Variants in BLVRA observed in about 807,000 individuals in gnomAD.
BLVRA encodes the protein BVR A.
BLVRA carries 22 observed loss-of-function variants against 32.8 expected under a neutral mutation model. That is an observed-to-expected ratio of 0.67 (90% CI 0.48 to 0.96). The LOEUF is 0.96. Ranked by LOEUF, BLVRA falls within the 40% of genes least tolerant of loss-of-function variation. The pLI is 0.00. For missense variants in BLVRA, 323 were observed against 358.1 expected (o/e 0.90, Z 0.79); for synonymous variants, 119 against 141.3 (o/e 0.84, Z 1.12).
At chr7:43,793,802 T>G (rs2095788783) in intron 5 of BLVRA, among the ~76,000 whole-genome samples, 1 of 151,976 alleles carries the variant, frequency 6.6e-6, no homozygotes, top group Admixed American at 6.5e-5. Context: ...TTTTGTATTT[T>G]TAGTAGAGAT....
At chr7:43,783,801 A>G (rs1448178640) in intron 2 of BLVRA, among the ~76,000 whole-genome samples, 1 of 152,134 alleles carries the variant, frequency 6.6e-6, no homozygotes, top group Non-Finnish European at 1.5e-5. Flanking sequence ...TGTGTTATCA[A>G]ACTTTTTTTT....
At position 43,807,001 on chromosome 7, in the gene BLVRA, A is replaced by C; in HGVS notation, c.657A>C (p.Lys219Asn). Residue 219 changes from lysine (K) to asparagine (N), a missense_variant, in exon 8 of 8, where the codon AAA becomes AAC. By Grantham distance (94) the Lys-to-Asn change is moderately conservative. Coordinates refer to ENST00000265523, the MANE Select transcript of BLVRA (RefSeq NM_000712.4). ...KKSPLSWIEE[K>N]GPGLKRNRYL... ...GTCCACTGTCATGGATTGAAGAAAA[A>C]GGACCTGGTCTAAAACGAAACAGAT... 6.2e-7 allele frequency: 1 copy of C among 1,614,092 alleles called. No individual in the cohort carries two copies. Among genetic ancestry groups the C allele is most frequent in the South Asian group, 1.1e-5 (1 of 91,074 alleles).
intron 1 of BLVRA, among the ~76,000 whole-genome samples, chr7:43,765,569 A>G (rs1187778782): frequency 6.6e-6 from 1 of 152,204 alleles, no homozygotes; most frequent in Non-Finnish European, 1.5e-5. Flanking sequence ...TTATTTTTAA[A>G]TTGGCTGCTC....
chr7:43,804,027 A>C (rs17246100), intron 7 of BLVRA, among the ~76,000 whole-genome samples, 180 bp downstream of exon 7: 1,888 of 152,366 alleles, frequency 0.012, 32 homozygotes, highest in African/African-American at 0.043. Flanking sequence ...TCCTCTCAGC[A>C]GCCCTGTGAG....
chr7:43,758,339 C>CA (rs1317592249), upstream of BLVRA, among the ~76,000 whole-genome samples: 3 of 152,136 alleles, frequency 2.0e-5, no homozygotes, highest in Non-Finnish European at 2.9e-5. Context: ...CTGCCCCCCC[C>CA]ACGCCGGGGC....
intron 2 of BLVRA, among the ~76,000 whole-genome samples, chr7:43,780,994 A>G (rs2095768569): frequency 6.6e-6 from 1 of 152,212 alleles, no homozygotes; most frequent in South Asian, 2.1e-4. Context: ...TAAAAATACA[A>G]AAATTAGGCG....
intron 2 of BLVRA, among the ~76,000 whole-genome samples, chr7:43,777,940 C>T (rs1432755196): frequency 4.6e-5 from 7 of 152,208 alleles, no homozygotes; most frequent in Admixed American, 1.3e-4. Context: ...CGCATTGGCT[C>T]CTGAGGCTTC....
At chr7:43,781,134 C>A (rs1448895637) in intron 2 of BLVRA, among the ~76,000 whole-genome samples, 5 of 149,582 alleles carry the variant, frequency 3.3e-5, no homozygotes, top group African/African-American at 4.9e-5. Context: ...CAGAGCAAGA[C>A]TCTGCCTCAA....
rs137968736 is a variant in BLVRA at position 43,791,360 on chromosome 7, C to T, written c.246C>T (p.Asp82=). 349 of 1,614,176 alleles carry T rather than the reference C, an allele frequency of 2.2e-4. No homozygotes were observed. The African/African-American group carries it at 4.2e-3, about 20-fold the overall frequency. ...YICSESSSHE[D]YIRQFLNAGK... is the part of the protein sequence containing the mutation. ...GCAGTGAGAGCTCCAGCCATGAGGA[C>T]TACATCAGGTGGGTTTTCCACACAG... Residue 82 remains aspartate (D), a synonymous_variant, in exon 4 of 8, where the codon GAC becomes GAT. Coordinates refer to ENST00000265523, the MANE Select transcript of BLVRA (RefSeq NM_000712.4).
intron 2 of BLVRA, among the ~76,000 whole-genome samples, chr7:43,780,085 TG>T (rs971537450): frequency 2.0e-5 from 3 of 152,086 alleles, no homozygotes; most frequent in Non-Finnish European, 4.4e-5. Context: ...TTGGCCAGGC[TG>T]GGCTTGAACC....
chr7:43,761,309 A>G (rs1408465137), intron 1 of BLVRA, among the ~76,000 whole-genome samples: 2 of 152,242 alleles, frequency 1.3e-5, no homozygotes, highest in African/African-American at 4.8e-5. Context: ...GAGAGAAAGT[A>G]TAAGTACAAG....
chr7:43,760,789 G>C (rs1433376949), intron 1 of BLVRA, among the ~76,000 whole-genome samples: 1 of 138,750 alleles, frequency 7.2e-6, no homozygotes, highest in Non-Finnish European at 1.5e-5. Context: ...TTTTTTTTGA[G>C]ATGGAGTCTC....
At chr7:43,778,908 C>T (rs1188902545) in intron 2 of BLVRA, among the ~76,000 whole-genome samples, 6 of 152,262 alleles carry the variant, frequency 3.9e-5, no homozygotes, top group Non-Finnish European at 8.8e-5. Context: ...TGATCTCAGA[C>T]TGCTGTGCTA....
intron 6 of BLVRA, among the ~76,000 whole-genome samples, chr7:43,802,830 C>T (rs1244710427): frequency 3.9e-5 from 6 of 152,116 alleles, no homozygotes; most frequent in East Asian, 1.9e-4. Flanking sequence ...CTCTGCCTCC[C>T]GGGCTAAAGT....
intron 3 of BLVRA, among the ~76,000 whole-genome samples, chr7:43,790,753 A>G (rs1585733507): frequency 6.6e-6 from 1 of 152,036 alleles, no homozygotes; most frequent in South Asian, 2.1e-4. Context: ...GCTCACTGCA[A>G]CCTCCATCTC....
In BLVRA at chr7:43,800,476, C is replaced by T. The variant is rs1188763213; in HGVS notation, c.364C>T (p.His122Tyr). 2 of 1,614,064 alleles carry T rather than the reference C, an allele frequency of 1.2e-6. No homozygotes were observed. Among genetic ancestry groups the T allele is most frequent in the Non-Finnish European group, 1.7e-6 (2 of 1,179,932 alleles). Residue 122 changes from histidine to tyrosine, a missense_variant, in exon 6 of 8, where the codon CAC (histidine) becomes TAC (tyrosine). Coordinates refer to ENST00000265523, the MANE Select transcript of BLVRA (RefSeq NM_000712.4). ...ELAEQKGKVL[H>Y]EEHVELLMEE... is the part of the protein sequence containing the mutation. ...TTTTGTCGTTACAGGAAAAGTCTTG[C>T]ACGAGGAGCATGTTGAACTCTTGAT...
At chr7:43,765,830 C>A (rs2095747213) in intron 1 of BLVRA, among the ~76,000 whole-genome samples, 1 of 152,056 alleles carries the variant, frequency 6.6e-6, no homozygotes, top group Non-Finnish European at 1.5e-5. Context: ...AAAAGAATAA[C>A]TGTATTCATA....
At chr7:43,797,808 A>T (rs2095794396) in intron 5 of BLVRA, among the ~76,000 whole-genome samples, 1 of 152,202 alleles carries the variant, frequency 6.6e-6, no homozygotes, top group Non-Finnish European at 1.5e-5. Flanking sequence ...TATGAATATT[A>T]CAGTTAGTTA....
At chr7:43,765,477 C>T (rs1177793305) in intron 1 of BLVRA, among the ~76,000 whole-genome samples, 1 of 152,162 alleles carries the variant, frequency 6.6e-6, no homozygotes, top group African/African-American at 2.4e-5. Flanking sequence ...GTCTTGAACT[C>T]CTGGCCTCAA....
Sources: gnomAD v4.1 joint callset for allele counts (sites outside exome capture counted in the v4.1 genomes callset) on GRCh38, gnomAD v4.1.1 for gene constraint, MANE v1.5 for transcripts, NCBI Gene and HGNC (gene_info 2026-07-23, HGNC 2026-07-21) for gene names.